AFF2: variants seen among roughly 807,000 people sequenced by gnomAD.
The protein encoded by AFF2 is ALF transcription elongation factor 2, also known as AF4/FMR2 family member 2.
Under a neutral mutation model 76.9 loss-of-function variants are expected in AFF2, and 14 were observed. The observed-to-expected ratio is 0.18, with a 90% CI of 0.12 to 0.28. AFF2 has a LOEUF of 0.28. Among genes scored for constraint, AFF2 ranks in the 10% least tolerant of loss-of-function variants. The pLI is 1.00. For synonymous variants in AFF2, 398 were observed against 366.7 expected, an observed-to-expected ratio of 1.09 and a Z score of -0.98; for missense variants, 868 against 1,001.1, an observed-to-expected ratio of 0.87 and a Z score of 1.79.
chrX:148,878,617 C>G (rs1557278143), intron 7 of AFF2, among the ~76,000 whole-genome samples: 2 of 111,860 alleles, frequency 1.8e-5, no homozygotes, highest in African/African-American at 6.5e-5. Flanking sequence ...CTTGTACCGC[C>G]CTACCAAAGA....
intron 8 of AFF2, among the ~76,000 whole-genome samples, chrX:148,890,440 G>A (rs782246961): frequency 2.3e-4 from 26 of 112,134 alleles, no homozygotes; most frequent in Non-Finnish European, 3.6e-4. Flanking sequence ...TTAACTGGCA[G>A]CCCTCTCTTT....
At chrX:148,589,841 G>A (rs2124370287) in intron 1 of AFF2, among the ~76,000 whole-genome samples, 1 of 109,462 alleles carries the variant, frequency 9.1e-6, no homozygotes, top group East Asian at 2.9e-4. Flanking sequence ...AGATGCTGGG[G>A]AAAAAATAAA....
intron 1 of AFF2, among the ~76,000 whole-genome samples, chrX:148,569,951 A>T (rs1025421630): frequency 1.3e-4 from 15 of 111,999 alleles, no homozygotes; most frequent in Admixed American, 9.5e-5. Flanking sequence ...AATGGAAAGA[A>T]TCCTTGTCTC....
intron 3 of AFF2, among the ~76,000 whole-genome samples, chrX:148,777,442 T>C (rs1407876800): frequency 8.9e-6 from 1 of 112,130 alleles, no homozygotes; most frequent in Non-Finnish European, 1.9e-5. Context: ...TAAATTACTT[T>C]GGGCAGTATG....
At chrX:148,601,717 A>T (rs1260057445) in intron 1 of AFF2, among the ~76,000 whole-genome samples, 1 of 111,759 alleles carries the variant, frequency 8.9e-6, no homozygotes, top group African/African-American at 3.2e-5. Context: ...ATTATAAAAG[A>T]TTTTAAGTTC....
At chrX:148,554,621 T>A (rs890225686) in intron 1 of AFF2, among the ~76,000 whole-genome samples, 6 of 112,488 alleles carry the variant, frequency 5.3e-5, no homozygotes, top group Non-Finnish European at 9.4e-5. Context: ...AATAGACTAT[T>A]GTTTCTCGTG....
At chrX:148,533,952 C>G (rs1202498400) in intron 1 of AFF2, among the ~76,000 whole-genome samples, 1 of 111,684 alleles carries the variant, frequency 9.0e-6, no homozygotes, top group African/African-American at 3.3e-5. Flanking sequence ...TCAAATACAG[C>G]TCACTAAGTC....
intron 9 of AFF2, among the ~76,000 whole-genome samples, chrX:148,929,573 C>A (rs2071689481): frequency 8.9e-6 from 1 of 111,799 alleles, no homozygotes; most frequent in African/African-American, 3.3e-5. Flanking sequence ...TGTCATCGGT[C>A]TATGTAGTCT....
intron 3 of AFF2, among the ~76,000 whole-genome samples, chrX:148,729,291 T>G (rs2055194306): frequency 9.0e-6 from 1 of 111,640 alleles, no homozygotes; most frequent in East Asian, 2.8e-4. Context: ...GAGGTCCCAT[T>G]TGAGCTAGGT....
At chrX:148,892,456 G>T (rs1376354026) in intron 8 of AFF2, among the ~76,000 whole-genome samples, 1 of 110,666 alleles carries the variant, frequency 9.0e-6, no homozygotes, top group Admixed American at 9.6e-5. Context: ...TTTGGTGGTG[G>T]TCATGGTCAT....
At chrX:148,925,784 C>T in intron 9 of AFF2, among the ~76,000 whole-genome samples, 1 of 111,561 alleles carries the variant, frequency 9.0e-6, no homozygotes, top group Middle Eastern at 4.2e-3. Flanking sequence ...TGTAAGGCAG[C>T]TGGAATAGTG....
chrX:148,990,138 C>G (rs960439349), intron 20 of AFF2, among the ~76,000 whole-genome samples: 6 of 112,293 alleles, frequency 5.3e-5, no homozygotes, highest in African/African-American at 1.9e-4. Context: ...TAAAAAGTAT[C>G]ATATAATCAA....
chrX:148,693,279 T>A (rs1427307862), intron 3 of AFF2, among the ~76,000 whole-genome samples: 1 of 111,420 alleles, frequency 9.0e-6, no homozygotes, highest in Non-Finnish European at 1.9e-5. Flanking sequence ...CCCCAGGAAG[T>A]AGGCACAACT....
intron 3 of AFF2, among the ~76,000 whole-genome samples, chrX:148,793,333 C>A (rs1557270113): frequency 8.9e-6 from 1 of 111,909 alleles, no homozygotes. Flanking sequence ...ACTTTGCCTC[C>A]CTTTTATGTA....
At position 148,785,040 on chromosome X, in the gene AFF2, G is replaced by C. The variant is rs781807406; in HGVS notation, c.1042-24836G>C. On this transcript the variant is annotated intron_variant, in intron 3 of 20. Coordinates refer to ENST00000370460, the MANE Select transcript of AFF2 (RefSeq NM_002025.4). The stretch of plus-strand genomic sequence containing the variant: ...ACTGAATTCAGCTGTTTTTGCTTTC[G>C]CTTCTCTTGCTCCCCCCCTTCCCCC... Among the ~76,000 whole-genome samples, 82 of 111,676 alleles carry C rather than the reference G, an allele frequency of 7.3e-4. 2 individuals carry two copies. The highest frequency in any genetic ancestry group is 5.1e-4 in the Non-Finnish European group (27 of 53,106).
intron 1 of AFF2, among the ~76,000 whole-genome samples, chrX:148,590,859 G>T (rs2053516361): frequency 8.9e-6 from 1 of 111,995 alleles, no homozygotes; most frequent in African/African-American, 3.2e-5. Context: ...AATCATATGT[G>T]CAAAATAACT....
Position 148,999,629 on chromosome X carries a change from C to T in AFF2, c.*8297C>T, listed in dbSNP as rs1233088073. On this transcript the variant is annotated 3_prime_UTR_variant, in exon 21 of 21. Coordinates refer to ENST00000370460, the MANE Select transcript of AFF2 (RefSeq NM_002025.4). ...GCGCACACACGTGCGTGTGTGTGTC[C>T]CTGCATGTGCAACATGTCTAGCTTG... The T allele has an allele frequency of 9.0e-6, 1 of 111,123 alleles. No individual in the cohort carries two copies. Among genetic ancestry groups the T allele is most frequent in the Admixed American group, 9.5e-5 (1 of 10,515 alleles). 9.2% of individuals were successfully genotyped at this position (111,123 alleles called of 1,213,427 possible). A position where few individuals can be genotyped will look rare whatever the true frequency, so the allele number is the denominator to read the frequency against.
intron 1 of AFF2, among the ~76,000 whole-genome samples, chrX:148,546,006 A>G (rs1212019213): frequency 1.8e-5 from 2 of 112,247 alleles, no homozygotes; most frequent in Admixed American, 9.4e-5. Context: ...CTAGTAAATT[A>G]TGTTTATAGA....
intron 1 of AFF2, among the ~76,000 whole-genome samples, chrX:148,597,418 C>T (rs1156385402): frequency 1.8e-5 from 2 of 111,335 alleles, no homozygotes; most frequent in Admixed American, 1.9e-4. Flanking sequence ...TTTTTCATGG[C>T]CCACCTGCTA....
Sources: allele counts gnomAD v4.1 joint callset (sites outside exome capture counted in the v4.1 genomes callset), GRCh38; gene constraint gnomAD v4.1.1; transcripts MANE v1.5; gene names NCBI Gene and HGNC (gene_info 2026-07-23, HGNC 2026-07-21).